Variants in SETDB2 observed in about 807,000 individuals in gnomAD.
SETDB2 encodes the protein histone-lysine N-methyltransferase SETDB2.
SETDB2 carries 56 observed loss-of-function variants against 82.5 expected under a neutral mutation model. The observed-to-expected ratio is 0.68, with a 90% CI of 0.55 to 0.85. The LOEUF (loss-of-function observed/expected upper bound fraction) is 0.85. Among genes scored for constraint, SETDB2 ranks in the 40% least tolerant of loss-of-function variants. The pLI is 0.00. For missense variants in SETDB2, 677 were observed against 816.4 expected, an observed-to-expected ratio of 0.83 and a Z score of 2.08; for synonymous variants, 272 against 284.9, an observed-to-expected ratio of 0.95 and a Z score of 0.46.
chr13:49,476,329 G>A (rs1197194941), intron 5 of SETDB2, 147 bp from the exon 6 acceptor site: 7 of 637,368 alleles, frequency 1.1e-5, no homozygotes, highest in Non-Finnish European at 1.8e-5. Context: ...TATAATCTTT[G>A]TATGGCTGTA....
rs772490549 is a variant in SETDB2, at chr13:49,451,665, G to C, written c.-229G>C. 3 of 370,674 alleles carry C rather than the reference G, an allele frequency of 8.1e-6. No homozygotes were observed. The highest frequency in any genetic ancestry group is 1.5e-5 in the Non-Finnish European group (3 of 204,056). The allele number at this position is 370,674 out of a possible 1,614,324, so 23.0% of individuals were successfully genotyped here. A position where few individuals can be genotyped will look rare whatever the true frequency, so the allele number is the denominator to read the frequency against. On this transcript the variant is annotated 5_prime_UTR_variant, in exon 2 of 14. Coordinates refer to ENST00000611815, the MANE Select transcript of SETDB2 (RefSeq NM_001160308.3). ...TTTACGTGAGAAGATTCATGGACTT[G>C]TCTTTTGGTTGGACTGTCACTCATT...
intron 5 of SETDB2, among the ~76,000 whole-genome samples, chr13:49,474,166 G>A (rs950902142): frequency 1.3e-5 from 2 of 152,190 alleles, no homozygotes; most frequent in Admixed American, 6.5e-5. Flanking sequence ...GGAGGCTAAG[G>A]CACAAGAATT....
At position 49,492,121 on chromosome 13, in the gene SETDB2, A is replaced by G; in HGVS notation, c.*272A>G. On this transcript the variant is annotated 3_prime_UTR_variant, in exon 14 of 14. Transcript: ENST00000611815. ...TATATGAAATACCACTGTACAATTT[A>G]TAATTTATTTACAAATTATATATTA... 1 of 272,604 alleles carries G rather than the reference A, an allele frequency of 3.7e-6. No homozygotes were observed. Among genetic ancestry groups the G allele is most frequent in the South Asian group, 4.5e-5 (1 of 22,008 alleles). 16.9% of individuals were successfully genotyped at this position (272,604 alleles called of 1,614,324 possible).
intron 7 of SETDB2, 39 bp downstream of exon 7, chr13:49,480,374 C>T: frequency 1.6e-6 from 2 of 1,268,522 alleles, no homozygotes; most frequent in Non-Finnish European, 2.2e-6. Flanking sequence ...GTGTGTATAT[C>T]TTTGAAGGTG....
chr13:49,444,298 C>G lies in SETDB2; in HGVS notation c.-901C>G. The G allele has an allele frequency of 3.1e-6, 1 of 324,154 alleles. No homozygotes were observed. The highest frequency in any genetic ancestry group is 2.3e-5 in the South Asian group (1 of 42,966). The allele number at this position is 324,154 out of a possible 1,614,324, so 20.1% of individuals were successfully genotyped here. On this transcript the variant is annotated 5_prime_UTR_variant, in exon 1 of 14. Coordinates refer to ENST00000611815, the MANE Select transcript of SETDB2 (RefSeq NM_001160308.3). ...CGGAGGTTACGCCTTCCCTCATCCC[C>G]GGTAGAGGCAGGGCGGGACTGTTGT...
intron 4 of SETDB2, among the ~76,000 whole-genome samples, chr13:49,462,948 C>T (rs570477994): frequency 7.9e-4 from 120 of 152,050 alleles, no homozygotes; most frequent in Non-Finnish European, 1.5e-3. Flanking sequence ...GGGATGAGGG[C>T]TGTAACAAAA....
At chr13:49,485,393 C>T (rs1365247012) in intron 10 of SETDB2, among the ~76,000 whole-genome samples, 3 of 152,174 alleles carry the variant, frequency 2.0e-5, no homozygotes, top group Admixed American at 6.5e-5. Context: ...CAAAGAATTT[C>T]TTGACAGTCT....
intron 7 of SETDB2, among the ~76,000 whole-genome samples, chr13:49,480,584 C>G (rs775273970): frequency 3.9e-5 from 6 of 152,170 alleles, no homozygotes; most frequent in Non-Finnish European, 5.9e-5. Flanking sequence ...CCTCTAGTAT[C>G]AGCCTACTTT....
intron 5 of SETDB2, among the ~76,000 whole-genome samples, chr13:49,470,204 A>G (rs1341347866): frequency 6.6e-6 from 1 of 152,070 alleles, no homozygotes; most frequent in Non-Finnish European, 1.5e-5. Flanking sequence ...TCAGAATTTC[A>G]TTTCCTTAAT....
At chr13:49,488,686 T>C in intron 12 of SETDB2, 56 bp downstream of exon 12, 3 of 1,375,508 alleles carry the variant, frequency 2.2e-6, no homozygotes, top group Non-Finnish European at 3.0e-6. Flanking sequence ...TCTATGCTAC[T>C]TAACAAAATT....
Position 49,488,564 on chromosome 13 carries a change from G to A in SETDB2, c.1851G>A (p.Lys617=). 6.2e-7 allele frequency: 1 copy of A among 1,611,100 alleles called. No individual in the cohort carries two copies. The highest frequency in any genetic ancestry group is 2.2e-5 in the East Asian group (1 of 44,842). The change falls in exon 12 of 14, where the codon AAG becomes AAA. Residue 617 remains lysine, a synonymous_variant. Transcript: ENST00000611815. ...TKNTSSDSLT[K]FNKGNVFLLD... is the part of the protein sequence containing the mutation. ...ATACTTCATCTGATTCTCTAACAAAGTTCAATAAAGGGAATGTGTTTTTAT... is the reference window on the plus strand; with the variant it reads ...ATACTTCATCTGATTCTCTAACAAAATTCAATAAAGGGAATGTGTTTTTAT...
intron 2 of SETDB2, 81 bp from the exon 3 acceptor site, chr13:49,460,026 A>T: frequency 7.1e-7 from 1 of 1,401,514 alleles, no homozygotes; most frequent in Non-Finnish European, 9.7e-7. Flanking sequence ...GAAACCAAGT[A>T]GATTGTTCTA....
rs747280666 is a variant in SETDB2 at position 49,451,882 on chromosome 13, C to T, written c.-12C>T. The T allele has an allele frequency of 5.0e-5, 79 of 1,591,180 alleles. No individual in the cohort carries two copies. The highest frequency in any genetic ancestry group is 9.0e-5 in the South Asian group (8 of 88,482). On this transcript the variant is annotated 5_prime_UTR_variant, in exon 2 of 14. Coordinates refer to ENST00000611815, the MANE Select transcript of SETDB2 (RefSeq NM_001160308.3). The stretch of plus-strand genomic sequence containing the variant: ...TTTTGAAGCATTTTATATTTATAAG[C>T]GACATCAAAAGATGGGAGAAAAAAA...
chr13:49,465,247 C>G (rs1297219172), intron 4 of SETDB2, among the ~76,000 whole-genome samples: 1 of 152,156 alleles, frequency 6.6e-6, no homozygotes, highest in Non-Finnish European at 1.5e-5. Context: ...GTGTAACTCT[C>G]AGTATTTGCT....
intron 2 of SETDB2, among the ~76,000 whole-genome samples, chr13:49,453,996 C>A (rs900950389): frequency 6.6e-6 from 1 of 152,084 alleles, no homozygotes; most frequent in East Asian, 1.9e-4. Flanking sequence ...TAATCTATTA[C>A]CACGTGGATC....
chr13:49,466,215 C>G, intron 4 of SETDB2, among the ~76,000 whole-genome samples: 1 of 152,124 alleles, frequency 6.6e-6, no homozygotes, highest in South Asian at 2.1e-4. Context: ...GGCAGGATCA[C>G]TTGAGTCCAG....
At chr13:49,454,518 T>G (rs554496103) in intron 2 of SETDB2, among the ~76,000 whole-genome samples, 2 of 152,348 alleles carry the variant, frequency 1.3e-5, no homozygotes, top group Admixed American at 1.3e-4. Context: ...TTTGCCTTTA[T>G]TTTTACAGAC....
intron 10 of SETDB2, among the ~76,000 whole-genome samples, chr13:49,484,257 A>G (rs1042736812): frequency 6.6e-6 from 1 of 151,904 alleles, no homozygotes; most frequent in Non-Finnish European, 1.5e-5. Context: ...AAGGAGAACA[A>G]GGTTTTTGTT....
intron 2 of SETDB2, 25 bp downstream of exon 2, chr13:49,451,934 A>G (rs1244636508): frequency 4.5e-6 from 7 of 1,549,110 alleles, no homozygotes; most frequent in South Asian, 1.2e-5. Flanking sequence ...ACACTGTTAC[A>G]CTTTATATCT....
Sources: gnomAD v4.1 joint callset for allele counts (sites outside exome capture counted in the v4.1 genomes callset) on GRCh38, gnomAD v4.1.1 for gene constraint, MANE v1.5 for transcripts, NCBI Gene and HGNC (gene_info 2026-07-23, HGNC 2026-07-21) for gene names.